UTRN: variants seen among roughly 807,000 people sequenced by gnomAD.
The protein encoded by UTRN is utrophin.
A neutral mutation model predicts 463.9 loss-of-function variants in UTRN; 283 were observed. That is an observed-to-expected ratio of 0.61 (90% CI 0.55 to 0.67). The LOEUF is 0.67. Ranked by LOEUF, UTRN falls within the 30% of genes least tolerant of loss-of-function variation. UTRN has a pLI of 0.00. For synonymous variants in UTRN, 1,442 were observed against 1,431.5 expected, an observed-to-expected ratio of 1.01 and a Z score of -0.17; for missense variants, 3,922 against 4,084.3, an observed-to-expected ratio of 0.96 and a Z score of 1.08.
intron 67 of UTRN, 22 bp downstream of exon 67, chr6:144,827,408 G>A (rs1292720658): frequency 2.5e-6 from 4 of 1,613,232 alleles, no homozygotes; most frequent in Non-Finnish European, 3.4e-6. Flanking sequence ...TAGCCCACGT[G>A]CAGGAGAGGT....
chr6:144,485,300 A>T (rs1584973341), intron 27 of UTRN, 85 bp from the exon 28 acceptor site: 1 of 1,535,354 alleles, frequency 6.5e-7, no homozygotes, highest in East Asian at 2.3e-5. Flanking sequence ...AAATGAAATT[A>T]TTAGCGATTA....
intron 51 of UTRN, among the ~76,000 whole-genome samples, chr6:144,587,204 A>G (rs1057176646): frequency 6.6e-6 from 1 of 152,146 alleles, no homozygotes; most frequent in Non-Finnish European, 1.5e-5. Context: ...CTGGCCTTCT[A>G]GGGGGCTTGA....
intron 32 of UTRN, 59 bp from the exon 33 acceptor site, chr6:144,493,242 C>A: frequency 6.4e-7 from 1 of 1,550,940 alleles, no homozygotes; most frequent in Non-Finnish European, 8.8e-7. Context: ...TGACATGATG[C>A]CAGTTGGCAA....
intron 45 of UTRN, among the ~76,000 whole-genome samples, chr6:144,541,282 A>C (rs557648512): frequency 1.7e-3 from 261 of 151,752 alleles, no homozygotes; most frequent in African/African-American, 6.0e-3. Context: ...TCTCCCCTAC[A>C]CTCCTTTCCA....
At chr6:144,487,917 A>G (rs1792634115) in intron 29 of UTRN, among the ~76,000 whole-genome samples, 1 of 152,228 alleles carries the variant, frequency 6.6e-6, no homozygotes, top group Admixed American at 6.5e-5. Flanking sequence ...ATTATTTTTG[A>G]GATTACTTCT....
Position 144,844,641 on chromosome 6 carries a change from A to G in UTRN, c.10271-2164A>G, listed in dbSNP as rs546293901. Among the ~76,000 whole-genome samples the G allele has an allele frequency of 3.2e-4, 49 of 152,284 alleles. No individual in the cohort carries two copies. The South Asian group carries it at 8.7e-3, about 27-fold the overall frequency. On this transcript the variant is annotated intron_variant, in intron 73 of 74. Coordinates refer to ENST00000367545, the MANE Select transcript of UTRN (RefSeq NM_007124.3). ...GAAGGTTTCCTTGTAGCATTCCTAG[A>G]TAGTACTCAGAACGTTTTGTAGGAT...
intron 51 of UTRN, among the ~76,000 whole-genome samples, chr6:144,598,286 C>T (rs951633281): frequency 1.3e-5 from 2 of 152,174 alleles, no homozygotes; most frequent in Non-Finnish European, 2.9e-5. Flanking sequence ...GGCGGGACAA[C>T]TTGAAGTGGC....
chr6:144,850,344 C>T (rs748417682), intron 74 of UTRN, among the ~76,000 whole-genome samples: 13 of 152,080 alleles, frequency 8.5e-5, no homozygotes, highest in Non-Finnish European at 1.3e-4. Flanking sequence ...TCCAGAAAGG[C>T]CTTTTATGAT....
chr6:144,407,451 A>C (rs1054200789), intron 3 of UTRN, among the ~76,000 whole-genome samples: 3 of 152,206 alleles, frequency 2.0e-5, no homozygotes, highest in African/African-American at 7.2e-5. Flanking sequence ...CATTATTGAC[A>C]AAAATAAACA....
intron 23 of UTRN, among the ~76,000 whole-genome samples, chr6:144,463,381 C>A (rs1789606798): frequency 6.6e-6 from 1 of 152,082 alleles, no homozygotes; most frequent in South Asian, 2.1e-4. Flanking sequence ...AAAATGTTGA[C>A]AGATGCAGCA....
intron 54 of UTRN, among the ~76,000 whole-genome samples, chr6:144,737,304 C>A (rs746251347): frequency 6.6e-6 from 1 of 152,032 alleles, no homozygotes; most frequent in Non-Finnish European, 1.5e-5. Flanking sequence ...GGGTAAGTAG[C>A]AAAATGAAGT....
chr6:144,742,949 T>G (rs1039890819), intron 54 of UTRN, among the ~76,000 whole-genome samples: 1 of 152,226 alleles, frequency 6.6e-6, no homozygotes, highest in Non-Finnish European at 1.5e-5. Context: ...GTATTTGGAA[T>G]TACCATACCT....
intron 51 of UTRN, chr6:144,583,184 G>A (rs1802141874): frequency 3.5e-6 from 1 of 287,702 alleles, no homozygotes; most frequent in Admixed American, 5.1e-5. Flanking sequence ...CTCCTCTCCC[G>A]CAGCCGGCAG....
In UTRN at chr6:144,428,821, A is replaced by G. The variant is rs749709787; in HGVS notation, c.622A>G (p.Ile208Val). The change falls in exon 8 of 75, where the codon ATT (isoleucine) becomes GTT (valine). Residue 208 changes from isoleucine (I) to valine (V), a missense_variant. By Grantham distance (29) the Ile-to-Val change is conservative. Around this residue, in one of 3 missense-constraint regions of UTRN, gnomAD observed 264 missense variants for 327.9 expected, o/e 0.81. Transcript: ENST00000367545. ...SWDKVVKMSP[I>V]ERLEHAFSKA... The stretch of plus-strand genomic sequence containing the variant: ...GGATAAAGTTGTCAAAATGTCACCA[A>G]TTGAGAGACTTGAACATGCCTTCAG... 7 of 1,612,286 alleles carry G rather than the reference A, an allele frequency of 4.3e-6. No homozygotes were observed. Among genetic ancestry groups the G allele is most frequent in the Middle Eastern group, 1.7e-4 (1 of 6,054 alleles).
intron 73 of UTRN, among the ~76,000 whole-genome samples, chr6:144,842,933 G>A (rs1562975700): frequency 1.3e-5 from 2 of 151,508 alleles, no homozygotes; most frequent in East Asian, 1.9e-4. Flanking sequence ...CCAGATTGTT[G>A]CTTATTTTCT....
intron 65 of UTRN, among the ~76,000 whole-genome samples, chr6:144,816,302 G>A (rs1030998911): frequency 6.6e-6 from 1 of 152,008 alleles, no homozygotes; most frequent in African/African-American, 2.4e-5. Flanking sequence ...AACAAATTAA[G>A]GATAGACATT....
intron 13 of UTRN, among the ~76,000 whole-genome samples, chr6:144,442,590 G>A (rs1787280583): frequency 6.6e-6 from 1 of 151,938 alleles, no homozygotes; most frequent in Non-Finnish European, 1.5e-5. Flanking sequence ...AGCAAGTCAC[G>A]ATTTACATGC....
intron 51 of UTRN, among the ~76,000 whole-genome samples, chr6:144,618,986 A>G (rs941456635): frequency 6.6e-6 from 1 of 152,138 alleles, no homozygotes; most frequent in Non-Finnish European, 1.5e-5. Flanking sequence ...TAAATTGACC[A>G]TGCATAACTT....
chr6:144,673,940 T>C (rs1296379762), intron 51 of UTRN, among the ~76,000 whole-genome samples: 1 of 152,158 alleles, frequency 6.6e-6, no homozygotes, highest in Non-Finnish European at 1.5e-5. Flanking sequence ...TGGCTGATAG[T>C]TATTTTGTTT....
Sources: allele counts gnomAD v4.1 joint callset (sites outside exome capture counted in the v4.1 genomes callset), GRCh38; gene constraint gnomAD v4.1.1; regional missense constraint gnomAD v4.1.1; transcripts MANE v1.5; gene names NCBI Gene and HGNC (gene_info 2026-07-23, HGNC 2026-07-21).